POU6F2: variants seen among roughly 807,000 people sequenced by gnomAD.
POU6F2 encodes the protein POU domain, class 6, transcription factor 2.
In POU6F2, 31 loss-of-function variants were observed where a neutral mutation model predicts 71.3. The ratio of observed to expected loss-of-function variants is 0.43; its 90% CI spans 0.33 to 0.59. POU6F2 has a LOEUF of 0.59. Ranked by LOEUF, POU6F2 falls within the 20% of genes least tolerant of loss-of-function variation. POU6F2 has a pLI of 0.04. For missense variants in POU6F2, 783 were observed against 856.8 expected (o/e 0.91, Z 1.07); for synonymous variants, 347 against 355.7 (o/e 0.98, Z 0.27).
intron 4 of POU6F2, among the ~76,000 whole-genome samples, chr7:39,268,241 G>A (rs1016983504): frequency 6.6e-6 from 1 of 152,124 alleles, no homozygotes; most frequent in Non-Finnish European, 1.5e-5. Context: ...ATGGAATGTA[G>A]ATAAAATAAA....
intron 2 of POU6F2, among the ~76,000 whole-genome samples, chr7:39,179,659 C>CTTTG (rs1793400972): frequency 6.6e-6 from 1 of 152,216 alleles, no homozygotes; most frequent in African/African-American, 2.4e-5. Context: ...TCTGCAGTTG[C>CTTTG]CGCCGGCTCA....
In POU6F2 at chr7:39,467,766, A is replaced by G. The variant is rs1412819239; in HGVS notation, c.*3080A>G. 1 of 152,182 alleles carries G rather than the reference A, an allele frequency of 6.6e-6. No homozygotes were observed. Among genetic ancestry groups the G allele is most frequent in the Admixed American group, 6.6e-5 (1 of 15,242 alleles). The allele number at this position is 152,182 out of a possible 1,614,324, so 9.4% of individuals were successfully genotyped here. ...GAACAAAAAAGCAAAAGGAGCTAGG[A>G]AAAAAACAAAACAAAACAAGTAGAG... On this transcript the variant is annotated 3_prime_UTR_variant, in exon 10 of 10. Transcript: ENST00000518318.
At chr7:39,123,936 G>C (rs1457046192) in intron 2 of POU6F2, among the ~76,000 whole-genome samples, 1 of 151,758 alleles carries the variant, frequency 6.6e-6, no homozygotes, top group Non-Finnish European at 1.5e-5. Flanking sequence ...AAATTGCATA[G>C]ATGCAATATA....
chr7:39,305,448 G>T (rs979861092), intron 4 of POU6F2, among the ~76,000 whole-genome samples: 3 of 152,038 alleles, frequency 2.0e-5, no homozygotes, highest in Non-Finnish European at 4.4e-5. Context: ...AGTCAGAATG[G>T]CCCTCCAGCT....
At chr7:39,071,426 A>C (rs1790877109) in intron 1 of POU6F2, among the ~76,000 whole-genome samples, 1 of 151,976 alleles carries the variant, frequency 6.6e-6, no homozygotes, top group South Asian at 2.1e-4. Context: ...CCCAGTTCCT[A>C]ACAGGCCACA....
At chr7:38,981,600 A>G (rs1449408920) in intron 1 of POU6F2, among the ~76,000 whole-genome samples, 3 of 152,216 alleles carry the variant, frequency 2.0e-5, no homozygotes, top group Non-Finnish European at 4.4e-5. Flanking sequence ...TGAGAGAGAG[A>G]CAGCTGGATA....
intron 2 of POU6F2, among the ~76,000 whole-genome samples, chr7:39,191,038 C>T (rs931947767): frequency 1.3e-5 from 2 of 152,184 alleles, no homozygotes; most frequent in Non-Finnish European, 2.9e-5. Context: ...ACGTCAAAAT[C>T]TCCAGTTTGT....
intron 4 of POU6F2, among the ~76,000 whole-genome samples, chr7:39,280,212 C>T (rs1784536358): frequency 6.6e-6 from 1 of 152,164 alleles, no homozygotes; most frequent in Non-Finnish European, 1.5e-5. Context: ...TTAATTTAAC[C>T]TGTGACATAT....
intron 3 of POU6F2, among the ~76,000 whole-genome samples, chr7:39,206,798 C>A (rs1156243258): frequency 6.6e-6 from 1 of 152,066 alleles, no homozygotes. Flanking sequence ...CAAGCTATAT[C>A]CTAGGAGTAT....
rs1789021326 is a variant in POU6F2 at position 39,464,432 on chromosome 7, C to T, written c.1909C>T (p.Arg637Cys). 5.0e-6 allele frequency: 8 copies of T among 1,613,976 alleles called. No homozygotes were observed. Among genetic ancestry groups the T allele is most frequent in the Non-Finnish European group, 6.8e-6 (8 of 1,179,888 alleles). Residue 637 changes from arginine to cysteine, a missense_variant, in exon 10 of 10, where the codon CGC becomes TGC. Around this residue, in one of 2 missense-constraint regions of POU6F2, gnomAD observed 211 missense variants for 283.9 expected, o/e 0.74. Coordinates refer to ENST00000518318, the MANE Select transcript of POU6F2 (RefSeq NM_001370959.1). This position sits in a 1 kb window ranked among gnomAD's most constrained non-coding sequence, Gnocchi z 4.1. ...EFIGSEPSKK[R>C]KRRTSFTPQA... The stretch of plus-strand genomic sequence containing the variant: ...TATCGGGAGTGAACCATCCAAAAAG[C>T]GCAAGCGGCGCACCTCCTTCACACC...
intron 4 of POU6F2, among the ~76,000 whole-genome samples, chr7:39,219,395 A>G (rs1562751604): frequency 6.6e-6 from 1 of 152,178 alleles, no homozygotes; most frequent in Non-Finnish European, 1.5e-5. Flanking sequence ...AAATCTGAAA[A>G]TGAAAATGTT....
rs994346939 is a variant in POU6F2, at chr7:39,464,217, A to T, written c.1694A>T (p.Gln565Leu). 1 of 1,613,840 alleles carries T rather than the reference A, an allele frequency of 6.2e-7. No individual in the cohort carries two copies. The highest frequency in any genetic ancestry group is 8.5e-7 in the Non-Finnish European group (1 of 1,179,804). Reference sequence around the variant, plus strand: ...CTGAGAAGCCACTTTTTCCTACCACAGGAAGCCCAAGAGAACACTATAGCT... The same window carrying T: ...CTGAGAAGCCACTTTTTCCTACCACTGGAAGCCCAAGAGAACACTATAGCT... ...TILRSHFFLP[Q>L]EAQENTIASS... is the part of the protein sequence containing the mutation. Residue 565 changes from glutamine (Q) to leucine (L), a missense_variant, in exon 10 of 10, where the codon CAG (glutamine) becomes CTG (leucine). By Grantham distance (113) the Gln-to-Leu change is moderately radical. This residue lies in a region of POU6F2 where 211 missense variants were observed against 283.9 expected (regional missense o/e 0.74). Coordinates refer to ENST00000518318, the MANE Select transcript of POU6F2 (RefSeq NM_001370959.1). This position sits in a 1 kb window ranked among gnomAD's most constrained non-coding sequence, Gnocchi z 4.1.
intron 2 of POU6F2, among the ~76,000 whole-genome samples, chr7:39,150,946 T>A (rs1469551221): frequency 2.0e-5 from 3 of 152,110 alleles, no homozygotes; most frequent in African/African-American, 7.2e-5. Context: ...TTATATGAGG[T>A]TATTTATAGA....
intron 4 of POU6F2, among the ~76,000 whole-genome samples, chr7:39,306,916 C>T (rs1212726843): frequency 6.6e-6 from 1 of 152,146 alleles, no homozygotes; most frequent in African/African-American, 2.4e-5. Flanking sequence ...GATTTCTTTG[C>T]TCCTGTTTGT....
chr7:39,178,021 C>A (rs1189210600), intron 2 of POU6F2, among the ~76,000 whole-genome samples: 4 of 152,152 alleles, frequency 2.6e-5, no homozygotes, highest in African/African-American at 9.6e-5. Context: ...TTTGGGAGGC[C>A]GAGGTGGGTG....
At chr7:39,077,439 TC>T (rs2128719346) in intron 1 of POU6F2, among the ~76,000 whole-genome samples, 1 of 152,354 alleles carries the variant, frequency 6.6e-6, no homozygotes, top group African/African-American at 2.4e-5. Context: ...TGTTGTTATT[TC>T]AGTCTACAGG....
chr7:39,292,769 C>T (rs1271224305), intron 4 of POU6F2, among the ~76,000 whole-genome samples: 2 of 152,170 alleles, frequency 1.3e-5, no homozygotes, highest in African/African-American at 4.8e-5. Context: ...CTCATAGAAG[C>T]GGAATGCAAT....
At chr7:39,030,439 T>C (rs1377379098) in intron 1 of POU6F2, among the ~76,000 whole-genome samples, 1 of 145,014 alleles carries the variant, frequency 6.9e-6, no homozygotes, top group East Asian at 2.1e-4. Flanking sequence ...ATCTGATTAT[T>C]TATTAGCTTT....
At chr7:38,978,778 C>T (rs1342762908) in intron 1 of POU6F2, among the ~76,000 whole-genome samples, 3 of 152,098 alleles carry the variant, frequency 2.0e-5, no homozygotes, top group African/African-American at 7.2e-5. Context: ...GATGAAATGC[C>T]AGAAGAATAT....
Sources: allele counts gnomAD v4.1 joint callset (sites outside exome capture counted in the v4.1 genomes callset), GRCh38; gene constraint gnomAD v4.1.1; regional missense constraint gnomAD v4.1.1; non-coding constraint Gnocchi (gnomAD v3.1); transcripts MANE v1.5; gene names NCBI Gene and HGNC (gene_info 2026-07-23, HGNC 2026-07-21).